The following SPAG17 variants were observed in gnomAD, a reference collection of about 807,000 sequenced individuals.
SPAG17 encodes sperm-associated antigen 17.
SPAG17 carries 169 observed loss-of-function variants against 273.6 expected under a neutral mutation model. The observed-to-expected ratio is 0.62, with a 90% CI of 0.55 to 0.70. SPAG17 has a LOEUF of 0.70. Among genes scored for constraint, SPAG17 ranks in the 30% least tolerant of loss-of-function variants. The pLI is 0.00. For synonymous variants in SPAG17, 825 were observed against 873.2 expected (o/e 0.94, Z 0.97); for missense variants, 2,557 against 2,627.8 (o/e 0.97, Z 0.59).
chr1:118,067,399 G>A (rs1456188829), intron 17 of SPAG17, among the ~76,000 whole-genome samples: 2 of 152,154 alleles, frequency 1.3e-5, no homozygotes, highest in African/African-American at 2.4e-5. Flanking sequence ...GACTAGGGCC[G>A]TCAAGATAAG....
intron 30 of SPAG17, 84 bp downstream of exon 30, chr1:118,012,144 A>G (rs1659539325): frequency 3.0e-6 from 4 of 1,351,318 alleles, no homozygotes; most frequent in South Asian, 2.9e-5. Flanking sequence ...TCTTATGTGT[A>G]TGTTCAGCAG....
chr1:118,042,667 C>T (rs1335235923), intron 20 of SPAG17, among the ~76,000 whole-genome samples: 1 of 152,132 alleles, frequency 6.6e-6, no homozygotes, highest in African/African-American at 2.4e-5. Context: ...TCAGTTATGA[C>T]AGGAAATATC....
rs1557932409 is a variant in SPAG17, at chr1:118,031,715, G to A, written c.3586C>T (p.His1196Tyr). The A allele has an allele frequency of 6.2e-7, 1 of 1,613,442 alleles. No individual in the cohort carries two copies. Residue 1196 changes from histidine to tyrosine, a missense_variant, in exon 25 of 49, where the codon CAC becomes TAC. Coordinates refer to ENST00000336338, the MANE Select transcript of SPAG17 (RefSeq NM_206996.4). ...ACCTTTTTCTCTTCTTCTTTTGGGT[G>A]TTCTTCTTCTTTAAGGGATTCTTTG... Reference protein sequence around the residue: ...KPKESLKEEEHPKEEEKKEEE... With the variant: ...KPKESLKEEEYPKEEEKKEEE...
At chr1:117,982,124 C>G (rs74573694) in intron 42 of SPAG17, among the ~76,000 whole-genome samples, 2 of 152,106 alleles carry the variant, frequency 1.3e-5, no homozygotes, top group African/African-American at 2.4e-5. Flanking sequence ...ATTGTTCCAG[C>G]CTTAATCTTT....
chr1:117,970,146 A>G (rs953556592), intron 45 of SPAG17, 30 bp from the exon 46 acceptor site: 25 of 1,597,626 alleles, frequency 1.6e-5, no homozygotes, highest in Non-Finnish European at 2.1e-5. Context: ...AAATAAATTT[A>G]TGACATAATG....
chr1:118,011,269 C>T (rs1364020173), intron 30 of SPAG17, among the ~76,000 whole-genome samples: 2 of 152,178 alleles, frequency 1.3e-5, no homozygotes, highest in Non-Finnish European at 2.9e-5. Flanking sequence ...GACACATACA[C>T]ACATATGTTC....
At chr1:118,032,749 G>A (rs541514761) in intron 24 of SPAG17, among the ~76,000 whole-genome samples, 79 of 151,790 alleles carry the variant, frequency 5.2e-4, no homozygotes, top group African/African-American at 1.7e-3. Context: ...CTGCCACCAC[G>A]CCTGGCTAAT....
intron 17 of SPAG17, among the ~76,000 whole-genome samples, chr1:118,069,343 T>TAAAAAAAAAAAAAAA (rs1653325378): frequency 3.5e-5 from 1 of 28,190 alleles, no homozygotes; most frequent in African/African-American, 2.2e-4. Context: ...AGACTCCGTC[T>TAAAAAAAAAAAAAAA]CAAAAAAAAA....
rs149800394 is a variant in SPAG17, at chr1:118,008,376, C to G, written c.4433-178G>C. ...CAGGGTTGGAGTGTGGCCTGCTGTT[C>G]TTGTCAATTCATAATAATTCTTCCA... On this transcript the variant is annotated intron_variant, in intron 30 of 48. Transcript: ENST00000336338. Among the ~76,000 whole-genome samples the G allele has an allele frequency of 9.7e-4, 147 of 152,072 alleles. 2 individuals carry two copies. The highest frequency in any genetic ancestry group is 3.5e-3 in the African/African-American group (144 of 41,476).
intron 27 of SPAG17, among the ~76,000 whole-genome samples, chr1:118,023,708 CTTTTCT>C (rs1219440377): frequency 1.3e-5 from 2 of 151,918 alleles, no homozygotes; most frequent in Non-Finnish European, 2.9e-5. Context: ...TATTTTGTTT[CTTTTCT>C]TTTTATTTCC....
chr1:117,973,302 TA>T, intron 44 of SPAG17, 122 bp downstream of exon 44: 1 of 1,302,860 alleles, frequency 7.7e-7, no homozygotes, highest in Non-Finnish European at 1.1e-6. Context: ...CGGAAACTAA[TA>T]ACTTCAATGA....
rs77678961 is a variant in SPAG17 at position 118,043,560 on chromosome 1, C to T, written c.2815-1518G>A. 2.8e-3 allele frequency among the ~76,000 whole-genome samples: 429 copies of T among 152,272 alleles called. 1 individual carries two copies. The highest frequency in any genetic ancestry group is 9.9e-3 in the African/African-American group (413 of 41,570). ...TTATTTATGTCAATTGTAATGGTAT[C>T]GTGACAACATTATATAATGGTGTGC... On this transcript the variant is annotated intron_variant, in intron 20 of 48. Coordinates refer to ENST00000336338, the MANE Select transcript of SPAG17 (RefSeq NM_206996.4).
At chr1:118,006,277 C>T (rs1658871474) in intron 31 of SPAG17, among the ~76,000 whole-genome samples, 1 of 152,196 alleles carries the variant, frequency 6.6e-6, no homozygotes, top group African/African-American at 2.4e-5. Context: ...AGGCCTTAGG[C>T]CCTGGCAGCC....
Position 118,125,230 on chromosome 1 carries a change from C to CATATAT in SPAG17, c.316-9795_316-9790dup, listed in dbSNP as rs564502550. On this transcript the variant is annotated intron_variant, in intron 3 of 48. Transcript: ENST00000336338. ...AATTTGTATTATTTTTTATTGTATT[C>CATATAT]ATATATATATATATATTTTTGACAT... is the stretch of plus-strand genomic sequence containing the variant. Among the ~76,000 whole-genome samples the CATATAT allele has an allele frequency of 3.7e-3, 522 of 141,306 alleles. 2 individuals carry two copies. The highest frequency in any genetic ancestry group is 0.015 in the African/African-American group (502 of 33,686). 92.7% of individuals were successfully genotyped at this position (141,306 alleles called of 152,430 possible). A position where few individuals can be genotyped will look rare whatever the true frequency, so the allele number is the denominator to read the frequency against.
At chr1:118,115,889 T>G (rs1362913662) in intron 3 of SPAG17, among the ~76,000 whole-genome samples, 1 of 152,264 alleles carries the variant, frequency 6.6e-6, no homozygotes, top group Non-Finnish European at 1.5e-5. Context: ...ATGACTATGT[T>G]AGCAGTCTTT....
intron 45 of SPAG17, among the ~76,000 whole-genome samples, chr1:117,971,112 TACCACTC>T (rs1654505470): frequency 6.6e-6 from 1 of 152,206 alleles, no homozygotes; most frequent in Non-Finnish European, 1.5e-5. Context: ...TTGAAGGACT[TACCACTC>T]AACTCTGAAA....
intron 43 of SPAG17, among the ~76,000 whole-genome samples, chr1:117,977,037 C>T (rs535115648): frequency 2.5e-4 from 38 of 151,964 alleles, no homozygotes; most frequent in Non-Finnish European, 4.0e-4. Flanking sequence ...AGGCTGGGCA[C>T]GGTGGCTCAC....
intron 17 of SPAG17, among the ~76,000 whole-genome samples, chr1:118,067,677 A>G (rs1035545872): frequency 2.0e-5 from 3 of 152,196 alleles, no homozygotes; most frequent in African/African-American, 7.2e-5. Context: ...ATCAGTAGGT[A>G]TGATTATTTT....
Position 118,060,309 on chromosome 1 carries a change from T to C in SPAG17, c.2541-4395A>G, listed in dbSNP as rs907096187. On this transcript the variant is annotated intron_variant, in intron 18 of 48. Coordinates refer to ENST00000336338, the MANE Select transcript of SPAG17 (RefSeq NM_206996.4). ...CAAAACACATATTTGTAGAAGTTTT[T>C]TTTTTCTTTTTCCATTTTTTAGAGA... Among the ~76,000 whole-genome samples the C allele has an allele frequency of 2.0e-4, 31 of 152,248 alleles. 1 individual carries two copies. The highest frequency in any genetic ancestry group is 7.5e-4 in the African/African-American group (31 of 41,566).
Sources: allele counts gnomAD v4.1 joint callset (sites outside exome capture counted in the v4.1 genomes callset), GRCh38; gene constraint gnomAD v4.1.1; transcripts MANE v1.5; gene names NCBI Gene and HGNC (gene_info 2026-07-23, HGNC 2026-07-21).